Variants in FGL1 observed in about 807,000 individuals in gnomAD.
FGL1 encodes fibrinogen like 1, also known as fibrinogen-like protein 1.
A neutral mutation model predicts 43.7 loss-of-function variants in FGL1; 59 were observed. The observed-to-expected ratio is 1.35, with a 90% CI of 1.10 to 1.68. The LOEUF (loss-of-function observed/expected upper bound fraction) is 1.68, where lower values mean the gene tolerates loss of function less well. FGL1 is among the 40% of genes most tolerant of loss of function. The pLI is 0.00. For missense variants in FGL1, 596 were observed against 373.0 expected, an observed-to-expected ratio of 1.60 and a Z score of -4.92; for synonymous variants, 192 against 126.5, an observed-to-expected ratio of 1.52 and a Z score of -3.48.
In FGL1 at chr8:17,885,534, G is replaced by A; in HGVS notation, c.21C>T (p.Phe7=). The change falls in exon 2 of 8, where the codon TTC becomes TTT. Residue 7 remains phenylalanine (F), a synonymous_variant. Coordinates refer to ENST00000427924, the MANE Select transcript of FGL1 (RefSeq NM_004467.4). ...TTGTCAGAGCGGTGGTAACAAGGAT[G>A]AAACTGAACACCTTTGCCATGTTCC... The part of the protein sequence containing the change: MAKVFS[F]ILVTTALTMG... 6.2e-7 allele frequency: 1 copy of A among 1,613,836 alleles called. No homozygotes were observed. The highest frequency in any genetic ancestry group is 8.5e-7 in the Non-Finnish European group (1 of 1,179,830).
intron 7 of FGL1, among the ~76,000 whole-genome samples, chr8:17,866,774 G>C (rs182386962): frequency 6.6e-6 from 1 of 152,314 alleles, no homozygotes; most frequent in Admixed American, 6.5e-5. Flanking sequence ...GATACTATTA[G>C]TAATTATTTC....
intron 3 of FGL1, 21 bp downstream of exon 3, chr8:17,881,978 T>G: frequency 6.2e-7 from 1 of 1,608,060 alleles, no homozygotes; most frequent in South Asian, 1.1e-5. Context: ...ATAGAAACAC[T>G]TAAGAAAAGT....
At chr8:17,889,559 C>CAACACTATCAA (rs2053677028) in intron 1 of FGL1, among the ~76,000 whole-genome samples, 1 of 152,096 alleles carries the variant, frequency 6.6e-6, no homozygotes. Flanking sequence ...CAAACAACAA[C>CAACACTATCAA]AACACTATCA....
chr8:17,887,608 G>C (rs1049284079), intron 1 of FGL1, among the ~76,000 whole-genome samples: 1 of 152,174 alleles, frequency 6.6e-6, no homozygotes, highest in African/African-American at 2.4e-5. Context: ...CCAGCACTTC[G>C]AGAGGCCGAG....
intron 2 of FGL1, among the ~76,000 whole-genome samples, chr8:17,884,827 G>C (rs998498314): frequency 1.3e-5 from 2 of 151,960 alleles, no homozygotes; most frequent in Non-Finnish European, 2.9e-5. Context: ...TGAATGTTTT[G>C]TCTTTTTTAT....
chr8:17,895,188 A>C (rs2053757059), intron 1 of FGL1: 1 of 654,928 alleles, frequency 1.5e-6, no homozygotes, highest in Admixed American at 6.1e-5. Flanking sequence ...AAGTTCTCTA[A>C]AATTTTCCAT....
At chr8:17,877,420 G>A (rs1373218718) in intron 3 of FGL1, among the ~76,000 whole-genome samples, 1 of 152,170 alleles carries the variant, frequency 6.6e-6, no homozygotes, top group Non-Finnish European at 1.5e-5. Context: ...ATGACAGCCT[G>A]CCAAATGGGC....
intron 2 of FGL1, among the ~76,000 whole-genome samples, chr8:17,882,927 A>G (rs1227274477): frequency 9.7e-6 from 1 of 103,380 alleles, no homozygotes; most frequent in Non-Finnish European, 1.6e-5. Flanking sequence ...AATATATCTC[A>G]TATATAATAT....
chr8:17,887,706 G>A (rs1013559628), intron 1 of FGL1, among the ~76,000 whole-genome samples: 1 of 151,944 alleles, frequency 6.6e-6, no homozygotes, highest in African/African-American at 2.4e-5. Context: ...GTGGTGGTGG[G>A]TGCCTGTAAT....
chr8:17,883,785 C>G (rs1374596312), intron 2 of FGL1, among the ~76,000 whole-genome samples: 2 of 144,322 alleles, frequency 1.4e-5, no homozygotes, highest in East Asian at 4.0e-4. Context: ...AGGATGGTTT[C>G]TCCCTTTTCC....
chr8:17,894,071 T>C (rs1296399782), intron 1 of FGL1, among the ~76,000 whole-genome samples: 1 of 146,796 alleles, frequency 6.8e-6, no homozygotes, highest in Admixed American at 6.7e-5. Flanking sequence ...TTTAATTAAT[T>C]ACGCTGCATT....
chr8:17,869,536 A>G (rs2053324594), intron 5 of FGL1, among the ~76,000 whole-genome samples: 1 of 152,230 alleles, frequency 6.6e-6, no homozygotes, highest in Admixed American at 6.5e-5. Context: ...AAACCCTTTA[A>G]GAATAATTTG....
chr8:17,869,044 T>G, intron 5 of FGL1, 40 bp from the exon 6 acceptor site: 1 of 1,306,468 alleles, frequency 7.7e-7, no homozygotes, highest in Non-Finnish European at 1.1e-6. Context: ...TAAAAATGTG[T>G]GACATGACAC....
intron 7 of FGL1, among the ~76,000 whole-genome samples, chr8:17,867,836 G>A (rs1043303600): frequency 6.6e-6 from 1 of 152,182 alleles, no homozygotes; most frequent in Admixed American, 6.5e-5. Flanking sequence ...TTGGGAGGCC[G>A]GGGTAGGTGG....
rs1394842442 is a variant in FGL1, at chr8:17,875,537, CTT to C, written c.245-1018_245-1017del. Among the ~76,000 whole-genome samples the C allele has an allele frequency of 9.4e-3, 115 of 12,218 alleles. 9 individuals carry two copies. Among genetic ancestry groups the C allele is most frequent in the African/African-American group, 0.025 (101 of 4,102 alleles). 8.0% of individuals were successfully genotyped at this position (12,218 alleles called of 152,430 possible). On this transcript the variant is annotated intron_variant, in intron 3 of 7. Transcript: ENST00000427924. ...TTTCTTTCTTTCTTTCTTTCTTTCT[CTT>C]TCTTTCTTTCTTTCTTTCTTTCTTT...
intron 1 of FGL1, among the ~76,000 whole-genome samples, chr8:17,886,084 T>TA (rs758292348): frequency 2.2e-4 from 33 of 152,352 alleles, no homozygotes; most frequent in Non-Finnish European, 4.0e-4. Flanking sequence ...CACACCTTGC[T>TA]AATTTTGGTA....
chr8:17,882,566 C>T (rs1455180649), intron 2 of FGL1: 3 of 154,220 alleles, frequency 1.9e-5, no homozygotes, highest in South Asian at 2.0e-4. Context: ...CTCTATATGA[C>T]ATTGCTTATG....
chr8:17,882,821 C>CA (rs1563457644), intron 2 of FGL1, among the ~76,000 whole-genome samples: 29 of 30,108 alleles, frequency 9.6e-4, no homozygotes, highest in Non-Finnish European at 1.6e-3. Flanking sequence ...TATAATATAT[C>CA]ATATATAATA....
At chr8:17,871,085 GCAC>G (rs1314491414) in intron 5 of FGL1, among the ~76,000 whole-genome samples, 2 of 152,076 alleles carry the variant, frequency 1.3e-5, no homozygotes, top group African/African-American at 2.4e-5. Context: ...TGTTGATTTA[GCAC>G]CACAATTTCC....
Sources: allele counts gnomAD v4.1 joint callset (sites outside exome capture counted in the v4.1 genomes callset), GRCh38; gene constraint gnomAD v4.1.1; transcripts MANE v1.5; gene names NCBI Gene and HGNC (gene_info 2026-07-23, HGNC 2026-07-21).